Variants in LRRN4 observed in about 807,000 individuals in gnomAD.
LRRN4 encodes leucine-rich repeat neuronal protein 4.
LRRN4 carries 26 observed loss-of-function variants against 22.3 expected under a neutral mutation model. The ratio of observed to expected loss-of-function variants is 1.16; its 90% CI spans 0.85 to 1.62. The LOEUF is 1.62. Ranked by LOEUF, LRRN4 falls within the 40% of genes most tolerant of loss-of-function variation. LRRN4 has a pLI of 0.00. For missense variants in LRRN4, 1,070 were observed against 1,008.5 expected (o/e 1.06, Z -0.83); for synonymous variants, 496 against 486.2 (o/e 1.02, Z -0.26).
chr20:6,044,902 A>G lies in LRRN4; in HGVS notation c.861-222T>C, dbSNP rs117204097. Among the ~76,000 whole-genome samples, 873 of 152,322 alleles carry G rather than the reference A, an allele frequency of 5.7e-3. 12 individuals are homozygous for G. Among genetic ancestry groups the G allele is most frequent in the Middle Eastern group, 0.031 (9 of 294 alleles). On this transcript the variant is annotated intron_variant, in intron 3 of 4. Coordinates refer to ENST00000378858, the MANE Select transcript of LRRN4 (RefSeq NM_152611.5). ...AACCTAACAGGAAATATTATGCTTC[A>G]TATCAACTGGGGACAATATTCCTTC...
chr20:6,052,393 G>A lies in LRRN4; in HGVS notation c.407C>T (p.Ala136Val). The change falls in exon 2 of 5, where the codon GCT (alanine) becomes GTT (valine). Residue 136 changes from alanine to valine, a missense_variant. Ala to Val is a moderately conservative substitution (Grantham distance 64). Transcript: ENST00000378858. ...CGCGGGCCCGGTGCACGGCGGCAGA[G>A]CGGCCAGCTGGTTGTAGCTGAGGTC... ...TLDLSYNQLA[A>V]LPPCTGPALS... 6.5e-7 allele frequency: 1 copy of A among 1,528,448 alleles called. No individual in the cohort carries two copies. The highest frequency in any genetic ancestry group is 8.7e-7 in the Non-Finnish European group (1 of 1,147,228). 94.7% of individuals were successfully genotyped at this position (1,528,448 alleles called of 1,614,324 possible).
rs1236506242 is a variant in LRRN4 at position 6,041,523 on chromosome 20, G to C, written c.1722C>G (p.Ser574Arg). The C allele has an allele frequency of 1.3e-6, 2 of 1,554,620 alleles. No homozygotes were observed. Among genetic ancestry groups the C allele is most frequent in the South Asian group, 1.2e-5 (1 of 81,260 alleles). The change falls in exon 5 of 5, where the codon AGC becomes AGG. Residue 574 changes from serine to arginine, a missense_variant. Physicochemically the swap from Ser to Arg is moderately radical, Grantham distance 110 (BLOSUM62 -1). Coordinates refer to ENST00000378858, the MANE Select transcript of LRRN4 (RefSeq NM_152611.5). The surrounding 1 kb of genome is among the most constrained non-coding windows in gnomAD (Gnocchi z 9.4). ...GCGGGTCTGGGATGGTGTCTTCCCC[G>C]CTGAGGCCGGGGCACCGGCACCGCC... ...RRWRCRCPGL[S>R]GEDTIPDPPR...
rs760430742 is a variant in LRRN4, at chr20:6,052,725, G to T, written c.75C>A (p.Val25=). 1.3e-5 allele frequency: 21 copies of T among 1,571,112 alleles called. No homozygotes were observed. In the South Asian group the frequency reaches 2.2e-4, roughly 16 times the overall value. Reference sequence around the variant, plus strand: ...CCTGCTGAGTGACCCGGAAGAGCGGGACCTTCTCCTGGGGAGGGTCTGCCC... The same window carrying T: ...CCTGCTGAGTGACCCGGAAGAGCGGTACCTTCTCCTGGGGAGGGTCTGCCC... ...PSWADPPQEK[V]PLFRVTQQGP... Residue 25 remains valine (V), a synonymous_variant, in exon 2 of 5, where the codon GTC becomes GTA. Transcript: ENST00000378858.
rs1981278382 is a variant in LRRN4 at position 6,052,428 on chromosome 20, C to A, written c.372G>T (p.Leu124=). 1.3e-6 allele frequency: 2 copies of A among 1,545,460 alleles called. No homozygotes were observed. The highest frequency in any genetic ancestry group is 2.8e-5 in the African/African-American group (2 of 72,468). The change falls in exon 2 of 5, where the codon CTG becomes CTT. Residue 124 remains leucine, a synonymous_variant. Transcript: ENST00000378858. Reference sequence around the variant, plus strand: ...GGTTGTAGCTGAGGTCCAGGGTGTGCAGCCCCGCCGGCCCACCCGGGCCCC... The same window carrying A: ...GGTTGTAGCTGAGGTCCAGGGTGTGAAGCCCCGCCGGCCCACCCGGGCCCC... ...LRWGPGGPAG[L]HTLDLSYNQL...
Position 6,052,235 on chromosome 20 carries a change from C to T in LRRN4, c.565G>A (p.Gly189Ser), listed in dbSNP as rs1981266284. The change falls in exon 2 of 5, where the codon GGC (glycine) becomes AGC (serine). Residue 189 changes from glycine to serine, a missense_variant. Transcript: ENST00000378858. ...CCAGCGAACGCCGCCTCGGCGATGCCCCCCTGGGCTCCGCGACCCAGCGCG... is the reference window on the plus strand; with the variant it reads ...CCAGCGAACGCCGCCTCGGCGATGCTCCCCTGGGCTCCGCGACCCAGCGCG... The part of the protein sequence containing the change: ...CTALGRGAQG[G>S]IAEAAFAGED... The T allele has an allele frequency of 3.2e-6, 5 of 1,570,680 alleles. No homozygotes were observed. Among genetic ancestry groups the T allele is most frequent in the Non-Finnish European group, 4.3e-6 (5 of 1,158,862 alleles).
chr20:6,045,174 C>T (rs938527350), intron 3 of LRRN4, among the ~76,000 whole-genome samples: 5 of 148,836 alleles, frequency 3.4e-5, no homozygotes, highest in African/African-American at 7.3e-5. Context: ...CACGGTGGCT[C>T]ATACCTGTAA....
At chr20:6,045,444 T>G (rs549619078) in intron 3 of LRRN4, among the ~76,000 whole-genome samples, 1 of 147,490 alleles carries the variant, frequency 6.8e-6, no homozygotes, top group Non-Finnish European at 1.5e-5. Flanking sequence ...TCTCAAAAAA[T>G]AAAACAAAAC....
intron 4 of LRRN4, among the ~76,000 whole-genome samples, chr20:6,043,893 G>C (rs905811238): frequency 6.6e-6 from 1 of 152,114 alleles, no homozygotes; most frequent in African/African-American, 2.4e-5. Context: ...GCGCAACAGA[G>C]CAAGACCCTG....
At chr20:6,049,773 G>A (rs1484755310) in intron 3 of LRRN4, among the ~76,000 whole-genome samples, 1 of 151,630 alleles carries the variant, frequency 6.6e-6, no homozygotes. Flanking sequence ...AAAGTGCTGG[G>A]ATTACAGGCA....
In LRRN4 at chr20:6,042,034, T is replaced by C; in HGVS notation, c.1211A>G (p.Gln404Arg). ...APATRPAGDQ[Q>R]SVSKAPNVGS... The stretch of plus-strand genomic sequence containing the variant: ...CACGTTAGGGGCCTTGGAGACACTC[T>C]GCTGGTCTCCCGCAGGCCGGGTGGC... Residue 404 changes from glutamine to arginine, a missense_variant, in exon 5 of 5, where the codon CAG becomes CGG. Transcript: ENST00000378858. 1 of 1,613,942 alleles carries C rather than the reference T, an allele frequency of 6.2e-7. No homozygotes were observed. Among genetic ancestry groups the C allele is most frequent in the Non-Finnish European group, 8.5e-7 (1 of 1,179,960 alleles).
chr20:6,045,828 G>C (rs1568641017), intron 3 of LRRN4, among the ~76,000 whole-genome samples: 2 of 149,212 alleles, frequency 1.3e-5, no homozygotes, highest in Non-Finnish European at 3.0e-5. Context: ...CCATGTGTCT[G>C]TCATCACCCA....
In LRRN4 at chr20:6,040,728, C is replaced by G; in HGVS notation, c.*294G>C. 1 of 450,134 alleles carries G rather than the reference C, an allele frequency of 2.2e-6. No individual in the cohort carries two copies. Among genetic ancestry groups the G allele is most frequent in the Non-Finnish European group, 4.0e-6 (1 of 247,978 alleles). The allele number at this position is 450,134 out of a possible 1,614,324, so 27.9% of individuals were successfully genotyped here. A position where few individuals can be genotyped will look rare whatever the true frequency, so the allele number is the denominator to read the frequency against. On this transcript the variant is annotated 3_prime_UTR_variant, in exon 5 of 5. Coordinates refer to ENST00000378858, the MANE Select transcript of LRRN4 (RefSeq NM_152611.5). ...CACTATTCTACTGGATAGAGAGGCA[C>G]TGACTGCTGAAAACCGCAAATGAAC...
Position 6,051,061 on chromosome 20 carries a change from G to A in LRRN4, c.656-78C>T, listed in dbSNP as rs1169767201. 1.3e-4 allele frequency: 169 copies of A among 1,273,684 alleles called. No individual in the cohort carries two copies. The East Asian group carries it at 3.9e-3, about 29-fold the overall frequency. 78.9% of individuals were successfully genotyped at this position (1,273,684 alleles called of 1,614,324 possible). On this transcript the variant is annotated intron_variant, in intron 2 of 4. Transcript: ENST00000378858. ...GGCCAGCACGGCATGAAGGAAGAAC[G>A]AGAGTGGCAAGGTGAATGGTGAAGG...
chr20:6,043,398 G>A (rs555418876), intron 4 of LRRN4, among the ~76,000 whole-genome samples: 4 of 152,320 alleles, frequency 2.6e-5, no homozygotes, highest in African/African-American at 9.6e-5. Flanking sequence ...CTGGATGACA[G>A]AGCAAGACCC....
chr20:6,051,701 C>T (rs6053855), intron 2 of LRRN4, among the ~76,000 whole-genome samples: 14,437 of 152,172 alleles, frequency 0.095, 2,264 homozygotes, highest in African/African-American at 0.32. Flanking sequence ...TCAGTCACTT[C>T]AGCTAACTGC....
chr20:6,046,904 T>C (rs868066507), intron 3 of LRRN4, among the ~76,000 whole-genome samples: 2 of 151,424 alleles, frequency 1.3e-5, no homozygotes, highest in African/African-American at 2.4e-5. Flanking sequence ...ATCAGTATTT[T>C]TGTGTGTGTG....
At chr20:6,047,425 TACACACACACACACACACACAC>T (rs57188958) in intron 3 of LRRN4, among the ~76,000 whole-genome samples, 4 of 128,378 alleles carry the variant, frequency 3.1e-5, no homozygotes, top group African/African-American at 7.9e-5. Context: ...CAGACACACA[TACACACACACACACACACACAC>T]ACACACACAC....
At chr20:6,052,974 C>G (rs1981303526) in intron 1 of LRRN4, among the ~76,000 whole-genome samples, 170 bp from the exon 2 acceptor site, 1 of 151,980 alleles carries the variant, frequency 6.6e-6, no homozygotes. Flanking sequence ...AGTGACCTCT[C>G]CCCTGTCTGC....
Position 6,046,661 on chromosome 20 carries a change from G to A in LRRN4, c.861-1981C>T, listed in dbSNP as rs989701543. Among the ~76,000 whole-genome samples, 8 of 148,850 alleles carry A rather than the reference G, an allele frequency of 5.4e-5. 2 individuals carry two copies. Among genetic ancestry groups the A allele is most frequent in the Non-Finnish European group, 1.5e-5 (1 of 66,572 alleles). On this transcript the variant is annotated intron_variant, in intron 3 of 4. Coordinates refer to ENST00000378858, the MANE Select transcript of LRRN4 (RefSeq NM_152611.5). ...TGGGAACCTGCCCTTTACTACTCTG[G>A]AGAAGATGCTGTTGTTCTGGGAAAG...
Sources: gnomAD v4.1 joint callset for allele counts (sites outside exome capture counted in the v4.1 genomes callset) on GRCh38, gnomAD v4.1.1 for gene constraint, Gnocchi (gnomAD v3.1) non-coding constraint, MANE v1.5 for transcripts, NCBI Gene and HGNC (gene_info 2026-07-23, HGNC 2026-07-21) for gene names.